Variants in ANO3 observed in about 807,000 individuals in gnomAD.
ANO3 encodes the protein anoctamin-3.
Under a neutral mutation model 144.8 loss-of-function variants are expected in ANO3, and 99 were observed. The observed-to-expected ratio is 0.68, with a 90% confidence interval of 0.58 to 0.81. The LOEUF (loss-of-function observed/expected upper bound fraction) is 0.81. Ranked by LOEUF, ANO3 falls within the 30% of genes least tolerant of loss-of-function variation. The probability of loss-of-function intolerance (pLI) is 0.00; values close to 1 mark genes in which losing one functional copy is unlikely to be tolerated. For synonymous variants in ANO3, 414 were observed against 392.6 expected, an observed-to-expected ratio of 1.05 and a Z score of -0.64; for missense variants, 905 against 1,202.2, an observed-to-expected ratio of 0.75 and a Z score of 3.66.
At chr11:26,315,759 T>C (rs1160145050) in intron 1 of ANO3, among the ~76,000 whole-genome samples, 1 of 152,090 alleles carries the variant, frequency 6.6e-6, no homozygotes, top group African/African-American at 2.4e-5. Flanking sequence ...CTTTAGAATA[T>C]TGGAGATGCT....
intron 1 of ANO3, among the ~76,000 whole-genome samples, chr11:26,379,102 A>G (rs7123997): frequency 0.54 from 82,047 of 151,760 alleles, 23,243 homozygotes; most frequent in East Asian, 0.68. Flanking sequence ...CATGTCAGCA[A>G]ATAAATATCA....
intron 1 of ANO3, among the ~76,000 whole-genome samples, chr11:26,289,684 CATATATTCTATATGTGTAT>C (rs1255895403): frequency 0.035 from 3,037 of 86,166 alleles, 149 homozygotes; most frequent in Non-Finnish European, 0.039. Flanking sequence ...CATATACACA[CATATATTCTATATGTGTAT>C]ATATATTCTA....
At chr11:26,282,855 T>C (rs1455551864) in intron 1 of ANO3, among the ~76,000 whole-genome samples, 1 of 152,082 alleles carries the variant, frequency 6.6e-6, no homozygotes, top group African/African-American at 2.4e-5. Flanking sequence ...AATTATATAT[T>C]TGTCAATGGC....
intron 1 of ANO3, among the ~76,000 whole-genome samples, chr11:26,381,648 T>C (rs10767520): frequency 6.6e-6 from 1 of 151,986 alleles, no homozygotes; most frequent in Admixed American, 6.6e-5. Context: ...ACTGAAAGAA[T>C]GATTTCATTG....
intron 1 of ANO3, among the ~76,000 whole-genome samples, chr11:26,322,365 A>G (rs1854780153): frequency 6.6e-6 from 1 of 152,080 alleles, no homozygotes; most frequent in East Asian, 1.9e-4. Context: ...ACCAGTATTC[A>G]TACATTATTA....
intron 17 of ANO3, among the ~76,000 whole-genome samples, chr11:26,614,441 G>A (rs911342181): frequency 6.6e-6 from 1 of 152,088 alleles, no homozygotes; most frequent in Non-Finnish European, 1.5e-5. Context: ...ATGATGGCAG[G>A]GCCTCAGGAA....
rs550057766 is a variant in ANO3 at position 26,586,503 on chromosome 11, C to CTTTTTTTTTTTTTTTTTTT, written c.1448-11844_1448-11843insTTTTTTTTTTTTTTTTTTT. On this transcript the variant is annotated intron_variant, in intron 14 of 26. Transcript: ENST00000256737. ...AAGAAGGGGCTTCCCTGGTGAGAAT[C>CTTTTTTTTTTTTTTTTTTT]TTTTTTTTTTTTTTTTTTGAGACAT... Among the ~76,000 whole-genome samples the CTTTTTTTTTTTTTTTTTTT allele has an allele frequency of 1.4e-3, 118 of 81,446 alleles. 18 individuals are homozygous for CTTTTTTTTTTTTTTTTTTT. The highest frequency in any genetic ancestry group is 3.4e-3 in the African/African-American group (64 of 19,050). 53.4% of individuals were successfully genotyped at this position (81,446 alleles called of 152,430 possible).
In ANO3 at chr11:26,534,530, G is replaced by T; in HGVS notation, c.944G>T (p.Arg315Leu). The change falls in exon 9 of 27, where the codon CGC becomes CTC. Residue 315 changes from arginine to leucine, a missense_variant. Coordinates refer to ENST00000256737, the MANE Select transcript of ANO3 (RefSeq NM_031418.4). The part of the protein sequence containing the change: ...RSRIVYHMLE[R>L]TKYENGISKV... ...AGAATAGTCTATCACATGCTGGAAC[G>T]CACCAAATATGAAAATGGAATATCA... The T allele has an allele frequency of 6.2e-7, 1 of 1,611,670 alleles. No individual in the cohort carries two copies. The highest frequency in any genetic ancestry group is 8.5e-7 in the Non-Finnish European group (1 of 1,178,490).
chr11:26,457,156 C>A (rs572578425), intron 3 of ANO3, among the ~76,000 whole-genome samples: 179 of 150,534 alleles, frequency 1.2e-3, no homozygotes, highest in African/African-American at 4.2e-3. Context: ...AGCGCACCAG[C>A]ATGGCACAGG....
intron 1 of ANO3, among the ~76,000 whole-genome samples, chr11:26,243,273 C>G (rs55788608): frequency 0.041 from 6,295 of 152,094 alleles, 185 homozygotes; most frequent in Non-Finnish European, 0.059. Flanking sequence ...TTATCTTTCT[C>G]TCTCTCTCAC....
At chr11:26,456,209 C>A (rs1193566594) in intron 3 of ANO3, among the ~76,000 whole-genome samples, 63 of 152,176 alleles carry the variant, frequency 4.1e-4, no homozygotes, top group African/African-American at 1.4e-3. Flanking sequence ...GCAACAGAAG[C>A]CAAAATTGAC....
chr11:26,325,526 T>C (rs10501047), intron 1 of ANO3, among the ~76,000 whole-genome samples: 5,770 of 152,320 alleles, frequency 0.038, 380 homozygotes, highest in African/African-American at 0.13. Context: ...GTTGGAAGAT[T>C]AATTATTGAT....
intron 1 of ANO3, among the ~76,000 whole-genome samples, chr11:26,234,923 G>A (rs1015263418): frequency 6.6e-6 from 1 of 151,634 alleles, no homozygotes; most frequent in African/African-American, 2.4e-5. Flanking sequence ...TGCCAACGGT[G>A]TTAAGTACCA....
At chr11:26,385,480 T>C (rs1396725331) in intron 1 of ANO3, among the ~76,000 whole-genome samples, 24 of 152,260 alleles carry the variant, frequency 1.6e-4, no homozygotes, top group African/African-American at 2.4e-5. Context: ...GGGAAAAAAA[T>C]CTTTTTTCTT....
chr11:26,461,162 G>C (rs934163848), intron 3 of ANO3, among the ~76,000 whole-genome samples: 2 of 152,104 alleles, frequency 1.3e-5, no homozygotes, highest in Non-Finnish European at 2.9e-5. Flanking sequence ...AGGAAAGGGG[G>C]AGAAAGGATT....
At chr11:26,488,461 G>A (rs573405539) in intron 4 of ANO3, among the ~76,000 whole-genome samples, 2 of 152,096 alleles carry the variant, frequency 1.3e-5, no homozygotes, top group Admixed American at 6.5e-5. Flanking sequence ...GAATGAAGCC[G>A]GGGACCCTTG....
At chr11:26,441,824 C>A (rs996719232) in intron 1 of ANO3, 94 bp from the exon 2 acceptor site, 29 of 855,716 alleles carry the variant, frequency 3.4e-5, no homozygotes, top group Non-Finnish European at 5.5e-6. Flanking sequence ...TTCAATAGTT[C>A]ATTCCTGAAA....
At chr11:26,611,945 A>G (rs958857974) in intron 17 of ANO3, among the ~76,000 whole-genome samples, 6 of 151,846 alleles carry the variant, frequency 4.0e-5, no homozygotes, top group Non-Finnish European at 7.4e-5. Flanking sequence ...TTTGGTTTGC[A>G]TTTGCATGGA....
intron 1 of ANO3, among the ~76,000 whole-genome samples, chr11:26,257,040 G>T (rs11029437): frequency 0.018 from 2,786 of 152,034 alleles, 65 homozygotes; most frequent in East Asian, 0.12. Flanking sequence ...ATTGTCTGAT[G>T]ATTATTGATT....
Sources: gnomAD v4.1 joint callset for allele counts (sites outside exome capture counted in the v4.1 genomes callset) on GRCh38, gnomAD v4.1.1 for gene constraint, MANE v1.5 for transcripts, NCBI Gene and HGNC (gene_info 2026-07-23, HGNC 2026-07-21) for gene names.